NCKAP5: variants seen among roughly 807,000 people sequenced by gnomAD.
The protein encoded by NCKAP5 is nck-associated protein 5.
Under a neutral mutation model 167.0 loss-of-function variants are expected in NCKAP5, and 92 were observed. That is an observed-to-expected ratio of 0.55 (90% CI 0.47 to 0.66). NCKAP5 has a LOEUF of 0.66. NCKAP5 is among the 30% of genes least tolerant of loss of function. The probability of loss-of-function intolerance (pLI) is 0.00; values close to 1 mark genes in which losing one functional copy is unlikely to be tolerated. For synonymous variants in NCKAP5, 891 were observed against 877.4 expected, an observed-to-expected ratio of 1.02 and a Z score of -0.27; for missense variants, 2,378 against 2,315.0, an observed-to-expected ratio of 1.03 and a Z score of -0.56.
intron 6 of NCKAP5, among the ~76,000 whole-genome samples, chr2:132,996,339 G>A (rs974585392): frequency 6.6e-6 from 1 of 152,058 alleles, no homozygotes; most frequent in African/African-American, 2.4e-5. Flanking sequence ...TTATAATCTT[G>A]TTTTGTTTTA....
At chr2:133,669,675 T>C in the NCKAP5 span, among the ~76,000 whole-genome samples, 4 of 152,158 alleles carry the variant, frequency 2.6e-5, no homozygotes, top group Non-Finnish European at 5.9e-5. Context: ...TCCAAAGACT[T>C]GAAAATTTTA....
intron 11 of NCKAP5, among the ~76,000 whole-genome samples, chr2:132,823,223 A>C (rs1686887478): frequency 6.6e-6 from 1 of 152,214 alleles, no homozygotes; most frequent in South Asian, 2.1e-4. Flanking sequence ...TCATTGCAAA[A>C]AGATCATCAC....
At chr2:133,265,665 C>T (rs1426050972) in intron 4 of NCKAP5, among the ~76,000 whole-genome samples, 1 of 151,990 alleles carries the variant, frequency 6.6e-6, no homozygotes, top group Non-Finnish European at 1.5e-5. Flanking sequence ...TGCAGCTGGG[C>T]AGACAAGGTC....
At chr2:133,605,348 T>C in the NCKAP5 span, among the ~76,000 whole-genome samples, 3 of 152,268 alleles carry the variant, frequency 2.0e-5, no homozygotes, top group Non-Finnish European at 2.9e-5. Flanking sequence ...GTAGGGATAT[T>C]TGTGTGGTCT....
At chr2:132,974,520 T>C (rs773916324) in intron 7 of NCKAP5, among the ~76,000 whole-genome samples, 1 of 152,224 alleles carries the variant, frequency 6.6e-6, no homozygotes, top group African/African-American at 2.4e-5. Context: ...AAACAGCCTC[T>C]AATGGGTTGT....
intron 4 of NCKAP5, chr2:133,266,314 G>T: frequency 6.6e-6 from 1 of 152,642 alleles, no homozygotes; most frequent in East Asian, 1.9e-4. Flanking sequence ...GGAAAGGACA[G>T]GACTCAGGAC....
At chr2:132,768,429 T>C (rs1376661839) in intron 16 of NCKAP5, among the ~76,000 whole-genome samples, 2 of 152,170 alleles carry the variant, frequency 1.3e-5, no homozygotes, top group Non-Finnish European at 2.9e-5. Context: ...ATAGGGTAAA[T>C]GCATTATAGT....
intron 3 of NCKAP5, among the ~76,000 whole-genome samples, chr2:133,403,204 G>A (rs1688210117): frequency 1.3e-5 from 2 of 152,198 alleles, no homozygotes; most frequent in Admixed American, 1.3e-4. Context: ...GACAAATAAT[G>A]TAAAACTAGG....
chr2:133,209,761 A>C (rs538884886), intron 5 of NCKAP5, among the ~76,000 whole-genome samples: 1 of 152,172 alleles, frequency 6.6e-6, no homozygotes, highest in African/African-American at 2.4e-5. Flanking sequence ...TGACAATTAC[A>C]TCATAGTTAT....
intron 6 of NCKAP5, among the ~76,000 whole-genome samples, chr2:133,046,132 T>C (rs2079392263): frequency 6.6e-6 from 1 of 152,202 alleles, no homozygotes; most frequent in African/African-American, 2.4e-5. Flanking sequence ...TTCCATTTAA[T>C]ATTTTTGGAC....
intron 6 of NCKAP5, among the ~76,000 whole-genome samples, chr2:133,111,852 A>C (rs2081924908): frequency 1.3e-5 from 2 of 152,178 alleles, no homozygotes; most frequent in Non-Finnish European, 2.9e-5. Flanking sequence ...GTAAAAGATA[A>C]ATTAGTGGAA....
At chr2:133,309,907 A>G (rs1490655337) in intron 3 of NCKAP5, among the ~76,000 whole-genome samples, 1 of 152,230 alleles carries the variant, frequency 6.6e-6, no homozygotes, top group African/African-American at 2.4e-5. Flanking sequence ...TCGTATTATA[A>G]TCAGCATAAC....
intron 3 of NCKAP5, among the ~76,000 whole-genome samples, chr2:133,420,048 T>A (rs1375666719): frequency 1.3e-5 from 2 of 151,966 alleles, no homozygotes; most frequent in Admixed American, 6.5e-5. Flanking sequence ...AAAGGGGGCC[T>A]CCCCTCATAC....
chr2:133,204,832 G>T (rs1298233898), intron 5 of NCKAP5, among the ~76,000 whole-genome samples: 2 of 152,134 alleles, frequency 1.3e-5, no homozygotes, highest in Non-Finnish European at 2.9e-5. Context: ...GTGATGTTTT[G>T]ACTTACAATG....
At chr2:132,962,493 G>A (rs916501839) in intron 8 of NCKAP5, among the ~76,000 whole-genome samples, 3 of 152,196 alleles carry the variant, frequency 2.0e-5, no homozygotes, top group Non-Finnish European at 2.9e-5. Context: ...GAGGAAATTA[G>A]TGTAAAATGG....
At position 132,709,029 on chromosome 2, in the gene NCKAP5, T is replaced by C. The variant is rs562624665; in HGVS notation, c.5713+16598A>G. On this transcript the variant is annotated intron_variant, in intron 19 of 19. Coordinates refer to ENST00000409261, the MANE Select transcript of NCKAP5 (RefSeq NM_207363.3). ...GTTTATTATTACTGTTATATAAAAA[T>C]GCAATTAACATTATTATATTGATCT... 5.9e-5 allele frequency among the ~76,000 whole-genome samples: 9 copies of C among 152,262 alleles called. No homozygotes were observed. The South Asian group carries it at 1.5e-3, about 25-fold the overall frequency.
intron 16 of NCKAP5, among the ~76,000 whole-genome samples, chr2:132,758,262 T>C (rs1243258090): frequency 1.3e-5 from 2 of 152,216 alleles, no homozygotes; most frequent in Non-Finnish European, 2.9e-5. Context: ...TGGATCATTT[T>C]CATGGCTGCG....
chr2:133,541,692 A>C (rs1271321111), intron 2 of NCKAP5, among the ~76,000 whole-genome samples: 1 of 152,110 alleles, frequency 6.6e-6, no homozygotes, highest in Non-Finnish European at 1.5e-5. Flanking sequence ...CAAAAAAAAA[A>C]TAAGAAAAAG....
At chr2:132,679,849 C>T (rs1684971733) in intron 19 of NCKAP5, among the ~76,000 whole-genome samples, 1 of 152,042 alleles carries the variant, frequency 6.6e-6, no homozygotes, top group Admixed American at 6.6e-5. Context: ...GTATTTTAAG[C>T]CAAGGTCTCT....
Sources: gnomAD v4.1 joint callset for allele counts (sites outside exome capture counted in the v4.1 genomes callset) on GRCh38, gnomAD v4.1.1 for gene constraint, MANE v1.5 for transcripts, NCBI Gene and HGNC (gene_info 2026-07-23, HGNC 2026-07-21) for gene names.